The following ESR1 variants were observed in gnomAD, a reference collection of about 807,000 sequenced individuals.
The protein encoded by ESR1 is estrogen receptor 1.
In ESR1, 12 loss-of-function variants were observed where a neutral mutation model predicts 52.7. The observed-to-expected ratio is 0.23, with a 90% CI of 0.15 to 0.37. The LOEUF (loss-of-function observed/expected upper bound fraction) is 0.37, where lower values mean the gene tolerates loss of function less well. ESR1 is among the 10% of genes least tolerant of loss of function. ESR1 has a pLI of 1.00. For missense variants in ESR1, 584 were observed against 779.7 expected (o/e 0.75, Z 2.99); for synonymous variants, 305 against 316.8 (o/e 0.96, Z 0.39).
At chr6:152,042,688 G>A (rs2045909353) in intron 5 of ESR1, among the ~76,000 whole-genome samples, 1 of 152,126 alleles carries the variant, frequency 6.6e-6, no homozygotes, top group Non-Finnish European at 1.5e-5. Context: ...ATTTAAATTA[G>A]TCTTTTGTCT....
intron 3 of ESR1, among the ~76,000 whole-genome samples, chr6:151,917,000 G>A (rs11155823): frequency 6.6e-6 from 1 of 152,110 alleles, no homozygotes. Flanking sequence ...TTGTAGAATT[G>A]TTGTATGATG....
chr6:151,921,256 A>G lies in ESR1; in HGVS notation c.761-22917A>G, dbSNP rs551196845. Among the ~76,000 whole-genome samples, 5 of 152,252 alleles carry G rather than the reference A, an allele frequency of 3.3e-5. No homozygotes were observed. In the South Asian group the frequency reaches 1.0e-3, roughly 32 times the overall value. ...AGCTCCATCCATGTCTCTGCAAAGG[A>G]TTTGATATCCTTCCTTTTTATGGCT... On this transcript the variant is annotated intron_variant, in intron 3 of 7. Transcript: ENST00000206249.
chr6:151,933,952 C>G (rs1006037925), intron 3 of ESR1, among the ~76,000 whole-genome samples: 2 of 152,194 alleles, frequency 1.3e-5, no homozygotes, highest in Non-Finnish European at 2.9e-5. Context: ...CTTCCAAGAG[C>G]CAAGAGTTCT....
chr6:152,059,135 C>T (rs1017122662), intron 5 of ESR1, among the ~76,000 whole-genome samples: 4 of 151,960 alleles, frequency 2.6e-5, no homozygotes, highest in Non-Finnish European at 5.9e-5. Flanking sequence ...ATACTGAAAT[C>T]CATTGAATCA....
intron 1 of ESR1, among the ~76,000 whole-genome samples, chr6:151,833,916 C>T (rs757698677): frequency 1.3e-5 from 2 of 152,032 alleles, no homozygotes; most frequent in Non-Finnish European, 2.9e-5. Context: ...AGAAAACAAA[C>T]CATTTATGCA....
rs1329611336 is a variant in ESR1, at chr6:152,101,378, A to G, written c.*2412A>G. The G allele has an allele frequency of 1.3e-5, 3 of 232,766 alleles. No individual in the cohort carries two copies. Among genetic ancestry groups the G allele is most frequent in the Non-Finnish European group, 2.6e-5 (3 of 117,606 alleles). The allele number at this position is 232,766 out of a possible 1,614,324, so 14.4% of individuals were successfully genotyped here. ...TTTCTTTTAAAAAAATTAAAATAAA[A>G]CAAAAAAAAATTTCTAGGACTAGAC... On this transcript the variant is annotated 3_prime_UTR_variant, in exon 8 of 8. Transcript: ENST00000206249.
At chr6:151,727,261 G>T (rs766183532) in intron 2 of ESR1, among the ~76,000 whole-genome samples, 3 of 151,756 alleles carry the variant, frequency 2.0e-5, no homozygotes, top group Non-Finnish European at 4.4e-5. Flanking sequence ...GAGTGCAGTG[G>T]TGCAGTCTGA....
intron 1 of ESR1, among the ~76,000 whole-genome samples, chr6:151,674,559 G>A (rs1778189256): frequency 6.6e-6 from 1 of 152,162 alleles, no homozygotes; most frequent in Admixed American, 6.5e-5. Context: ...TGGGATTGCT[G>A]GGTCAAATGG....
At chr6:151,910,041 C>T (rs1027598559) in intron 3 of ESR1, among the ~76,000 whole-genome samples, 3 of 151,460 alleles carry the variant, frequency 2.0e-5, no homozygotes, top group Admixed American at 2.0e-4. Flanking sequence ...AGATTACATT[C>T]AATTGGCAGT....
At chr6:151,944,134 A>G (rs975335621) in intron 3 of ESR1, 39 bp from the exon 4 acceptor site, 50 of 1,565,372 alleles carry the variant, frequency 3.2e-5, no homozygotes, top group Middle Eastern at 3.4e-4. Context: ...TTACACGGGA[A>G]AAAAATAAAC....
chr6:151,998,489 G>A (rs1199206873), intron 4 of ESR1, among the ~76,000 whole-genome samples: 1 of 152,026 alleles, frequency 6.6e-6, no homozygotes, highest in Non-Finnish European at 1.5e-5. Context: ...GAGGGCAAAT[G>A]CATCCTCCTT....
At chr6:152,088,398 T>G (rs1161295458) in intron 6 of ESR1, among the ~76,000 whole-genome samples, 1 of 152,116 alleles carries the variant, frequency 6.6e-6, no homozygotes, top group Non-Finnish European at 1.5e-5. Flanking sequence ...AAAAATTGAT[T>G]AGTAAAAATA....
chr6:151,671,655 C>G (rs1345210233), intron 1 of ESR1, among the ~76,000 whole-genome samples: 2 of 152,188 alleles, frequency 1.3e-5, no homozygotes, highest in African/African-American at 2.4e-5. Context: ...CACTGTATAC[C>G]TAAAAATTGC....
In ESR1 at chr6:151,808,130, A is replaced by G. The variant is rs769634976; in HGVS notation, c.218A>G (p.Tyr73Cys). ...NAAAAANAQVYGQTGLPYGPG... is the reference protein window; with the variant it reads ...NAAAAANAQVCGQTGLPYGPG... ...GCGGCCGCCGCCAACGCGCAGGTCT[A>G]CGGTCAGACCGGCCTCCCCTACGGC... The change falls in exon 1 of 8, where the codon TAC (tyrosine) becomes TGC (cysteine). Residue 73 changes from tyrosine to cysteine, a missense_variant. By Grantham distance (194) the Tyr-to-Cys change is radical. Coordinates refer to ENST00000206249, the MANE Select transcript of ESR1 (RefSeq NM_000125.4). The G allele has an allele frequency of 8.1e-6, 13 of 1,608,734 alleles. No homozygotes were observed. Among genetic ancestry groups the G allele is most frequent in the Non-Finnish European group, 1.0e-5 (12 of 1,178,160 alleles).
At chr6:151,846,145 G>C (rs1348696876) in intron 2 of ESR1, among the ~76,000 whole-genome samples, 1 of 152,176 alleles carries the variant, frequency 6.6e-6, no homozygotes, top group Non-Finnish European at 1.5e-5. Context: ...TGCATGTTTA[G>C]CCATGTGAAT....
chr6:151,662,731 A>G (rs913257170), intron 1 of ESR1, among the ~76,000 whole-genome samples: 3 of 152,226 alleles, frequency 2.0e-5, no homozygotes, highest in Admixed American at 6.5e-5. Flanking sequence ...GACAGAGCTG[A>G]GTTACAACTG....
chr6:152,036,368 A>G (rs2045308821), intron 5 of ESR1, among the ~76,000 whole-genome samples: 1 of 152,256 alleles, frequency 6.6e-6, no homozygotes, highest in African/African-American at 2.4e-5. Flanking sequence ...TCAAAAAACA[A>G]AAACAAAAAC....
intron 5 of ESR1, 40 bp from the exon 6 acceptor site, chr6:152,060,951 T>C (rs766114021): frequency 3.4e-6 from 5 of 1,491,178 alleles, no homozygotes; most frequent in Non-Finnish European, 4.5e-6. Flanking sequence ...TGTTTTTTAA[T>C]CTTTTTATTT....
intron 3 of ESR1, among the ~76,000 whole-genome samples, chr6:151,926,606 T>C (rs2032788809): frequency 6.6e-6 from 1 of 152,142 alleles, no homozygotes; most frequent in Admixed American, 6.5e-5. Context: ...TTGAATGTAC[T>C]ATTATAAATG....
Sources: gnomAD v4.1 joint callset for allele counts (sites outside exome capture counted in the v4.1 genomes callset) on GRCh38, gnomAD v4.1.1 for gene constraint, MANE v1.5 for transcripts, NCBI Gene and HGNC (gene_info 2026-07-23, HGNC 2026-07-21) for gene names.